Variants in ZNF431 observed in about 807,000 individuals in gnomAD.
ZNF431 encodes the protein zinc finger protein 431.
Under a neutral mutation model 57.0 loss-of-function variants are expected in ZNF431, and 34 were observed. That is an observed-to-expected ratio of 0.60 (90% CI 0.45 to 0.79). The LOEUF is 0.79. Among genes scored for constraint, ZNF431 ranks in the 30% least tolerant of loss-of-function variants. The probability of loss-of-function intolerance (pLI) is 0.00; values close to 1 mark genes in which losing one functional copy is unlikely to be tolerated. For missense variants in ZNF431, 607 were observed against 667.1 expected (o/e 0.91, Z 0.99); for synonymous variants, 207 against 220.3 (o/e 0.94, Z 0.54).
chr19:21,175,915 A>G (rs1397953165), intron 4 of ZNF431, among the ~76,000 whole-genome samples: 1 of 152,196 alleles, frequency 6.6e-6, no homozygotes, highest in African/African-American at 2.4e-5. Context: ...TAATAGAATG[A>G]TTTATATTCC....
In ZNF431 at chr19:21,191,481, C is replaced by G. The variant is rs1187674899; in HGVS notation, c.*7447C>G. The stretch of plus-strand genomic sequence containing the variant: ...AAAAAAAAAAATTTGCTGCCCAGAA[C>G]AATGTTATAGGGCTTTTGCTCTATA... On this transcript the variant is annotated 3_prime_UTR_variant, in exon 5 of 5. Coordinates refer to ENST00000311048, the MANE Select transcript of ZNF431 (RefSeq NM_133473.4). 6.6e-6 allele frequency: 1 copy of G among 151,800 alleles called. No homozygotes were observed. Among genetic ancestry groups the G allele is most frequent in the Non-Finnish European group, 1.5e-5 (1 of 67,946 alleles). 9.4% of individuals were successfully genotyped at this position (151,800 alleles called of 1,614,324 possible).
At chr19:21,152,779 G>A (rs938337739) in intron 2 of ZNF431, among the ~76,000 whole-genome samples, 2 of 152,054 alleles carry the variant, frequency 1.3e-5, no homozygotes, top group African/African-American at 2.4e-5. Context: ...AAAGTCAGCC[G>A]ATTGGTGCAC....
rs2071741403 is a variant in ZNF431, at chr19:21,192,255, G to C, written c.*8221G>C. 1 of 152,262 alleles carries C rather than the reference G, an allele frequency of 6.6e-6. No individual in the cohort carries two copies. The highest frequency in any genetic ancestry group is 2.4e-5 in the African/African-American group (1 of 41,566). 9.4% of individuals were successfully genotyped at this position (152,262 alleles called of 1,614,324 possible). On this transcript the variant is annotated 3_prime_UTR_variant, in exon 5 of 5. Transcript: ENST00000311048. ...ACGATCTTGGCTCACTGCAACCTCT[G>C]CCTCCCTGGCTGAAGCGGTTCTCCT... is the stretch of plus-strand genomic sequence containing the variant.
At chr19:21,156,294 C>A (rs1292021186) in intron 2 of ZNF431, among the ~76,000 whole-genome samples, 3 of 152,214 alleles carry the variant, frequency 2.0e-5, no homozygotes, top group Non-Finnish European at 4.4e-5. Flanking sequence ...GAGTCCAGCC[C>A]CACCTGGGCC....
At chr19:21,152,547 G>C (rs559306581) in intron 2 of ZNF431, among the ~76,000 whole-genome samples, 1 of 152,294 alleles carries the variant, frequency 6.6e-6, no homozygotes, top group African/African-American at 2.4e-5. Context: ...CCAGTTCTTA[G>C]CTGAGACGGA....
Position 21,142,248 on chromosome 19 carries a change from T to C in ZNF431, c.3+62T>C. 6 of 1,611,180 alleles carry C rather than the reference T, an allele frequency of 3.7e-6. No homozygotes were observed. In the South Asian group the frequency reaches 5.5e-5, roughly 15 times the overall value. ...AGGGCTGGTTGTAACCGGTGGGAAGTGGCTGTGGCGGGACTCAGGCCTCCC... is the reference window on the plus strand; with the variant it reads ...AGGGCTGGTTGTAACCGGTGGGAAGCGGCTGTGGCGGGACTCAGGCCTCCC... On this transcript the variant is annotated intron_variant, in intron 1 of 4. Transcript: ENST00000311048.
chr19:21,178,316 C>G (rs1198957003), intron 4 of ZNF431, among the ~76,000 whole-genome samples: 3 of 152,052 alleles, frequency 2.0e-5, no homozygotes, highest in Non-Finnish European at 4.4e-5. Flanking sequence ...TTTCTCTCGC[C>G]TGATTTCCCT....
Position 21,174,983 on chromosome 19 carries a change from A to G in ZNF431, c.319+7317A>G, listed in dbSNP as rs118014388. 2.6e-5 allele frequency among the ~76,000 whole-genome samples: 4 copies of G among 152,218 alleles called. No homozygotes were observed. In the East Asian group the frequency reaches 5.8e-4, roughly 22 times the overall value. On this transcript the variant is annotated intron_variant, in intron 4 of 4. Coordinates refer to ENST00000311048, the MANE Select transcript of ZNF431 (RefSeq NM_133473.4). ...CACCATGTTGGTCAGGCTGGTCCCA[A>G]TCTGACCTCGTGATCTGCCCGCCTT...
chr19:21,183,755 C>T lies in ZNF431; in HGVS notation c.1452C>T (p.Tyr484=), dbSNP rs1194179766. ...GAATTCACACTGGAGAGAAACCCTA[C>T]AAATGTGAAGAATGTGGCAAAGCTT... ...HKRIHTGEKP[Y]KCEECGKAFN... The change falls in exon 5 of 5, where the codon TAC becomes TAT. Residue 484 remains tyrosine, a synonymous_variant. Transcript: ENST00000311048. 1 of 1,613,824 alleles carries T rather than the reference C, an allele frequency of 6.2e-7. No individual in the cohort carries two copies. The highest frequency in any genetic ancestry group is 1.3e-5 in the African/African-American group (1 of 74,946).
intron 3 of ZNF431, 45 bp from the exon 4 acceptor site, chr19:21,167,526 A>G: frequency 7.1e-7 from 1 of 1,403,834 alleles, no homozygotes; most frequent in Non-Finnish European, 9.5e-7. Context: ...GTTAGTAATT[A>G]GAGAATATAG....
At chr19:21,176,951 G>A (rs920498978) in intron 4 of ZNF431, among the ~76,000 whole-genome samples, 1 of 151,754 alleles carries the variant, frequency 6.6e-6, no homozygotes, top group African/African-American at 2.4e-5. Flanking sequence ...ACCCCCTTTG[G>A]CCTCCCAAAG....
chr19:21,155,964 A>G (rs1970404810), intron 2 of ZNF431, among the ~76,000 whole-genome samples: 1 of 152,134 alleles, frequency 6.6e-6, no homozygotes, highest in Admixed American at 6.5e-5. Flanking sequence ...TGAAAACTTC[A>G]AGGAAAGGAG....
In ZNF431 at chr19:21,145,939, A is replaced by G. The variant is rs1010107826; in HGVS notation, c.96+2296A>G. Among the ~76,000 whole-genome samples the G allele has an allele frequency of 3.9e-5, 6 of 152,178 alleles. 1 individual carries two copies. Among genetic ancestry groups the G allele is most frequent in the South Asian group, 4.1e-4 (2 of 4,836 alleles). ...CATGAAGTCAGCATGTTCTTAGACG[A>G]GACATAAAATAAGGTTGTATGTTGA... On this transcript the variant is annotated intron_variant, in intron 2 of 4. Transcript: ENST00000311048.
chr19:21,163,287 C>G (rs1229143255), intron 2 of ZNF431, among the ~76,000 whole-genome samples: 1 of 152,106 alleles, frequency 6.6e-6, no homozygotes, highest in Non-Finnish European at 1.5e-5. Context: ...GCAAAGAATA[C>G]GAAACGTTTG....
chr19:21,150,193 G>A, intron 2 of ZNF431: 2 of 567,882 alleles, frequency 3.5e-6, no homozygotes, highest in Admixed American at 2.3e-5. Flanking sequence ...CCAGGCCCTG[G>A]GTGAACTGGT....
chr19:21,170,477 G>A (rs994773285), intron 4 of ZNF431, among the ~76,000 whole-genome samples: 2 of 152,052 alleles, frequency 1.3e-5, no homozygotes, highest in African/African-American at 4.8e-5. Context: ...AGGACAATAT[G>A]CTAGAATTTA....
rs1046803791 is a variant in ZNF431, at chr19:21,182,673, G to T, written c.370G>T (p.Asp124Tyr). 7 of 1,612,646 alleles carry T rather than the reference G, an allele frequency of 4.3e-6. No homozygotes were observed. The highest frequency in any genetic ancestry group is 1.7e-5 in the Admixed American group (1 of 59,754). ...KDLWPEQDIK[D>Y]SFQQVILRRY... ...CCTTTGGCCAGAGCAAGACATAAAAGATTCTTTTCAACAAGTAATACTGAG... is the reference window on the plus strand; with the variant it reads ...CCTTTGGCCAGAGCAAGACATAAAATATTCTTTTCAACAAGTAATACTGAG... The change falls in exon 5 of 5, where the codon GAT becomes TAT. Residue 124 changes from aspartate (D) to tyrosine (Y), a missense_variant. Transcript: ENST00000311048.
Position 21,189,607 on chromosome 19 carries a change from TG to T in ZNF431, c.*5574del. 1 of 308,500 alleles carries T rather than the reference TG, an allele frequency of 3.2e-6. No homozygotes were observed. Among genetic ancestry groups the T allele is most frequent in the East Asian group, 5.1e-5 (1 of 19,594 alleles). The allele number at this position is 308,500 out of a possible 1,614,324, so 19.1% of individuals were successfully genotyped here. On this transcript the variant is annotated 3_prime_UTR_variant, in exon 5 of 5. Transcript: ENST00000311048. ...TCACCATGTTGTGCAATAAATCTCT[TG>T]AACTTATTTCTTCCATTTGACTATA... is the stretch of plus-strand genomic sequence containing the variant.
At chr19:21,163,865 G>T (rs1205806900) in intron 2 of ZNF431, among the ~76,000 whole-genome samples, 1 of 151,926 alleles carries the variant, frequency 6.6e-6, no homozygotes, top group Non-Finnish European at 1.5e-5. Flanking sequence ...GAGAGGCAGT[G>T]CTTATCAGCC....
Sources: allele counts gnomAD v4.1 joint callset (sites outside exome capture counted in the v4.1 genomes callset), GRCh38; gene constraint gnomAD v4.1.1; transcripts MANE v1.5; gene names NCBI Gene and HGNC (gene_info 2026-07-23, HGNC 2026-07-21).